The following PRR4 variants were observed in gnomAD, a reference collection of about 807,000 sequenced individuals.
The protein encoded by PRR4 is proline rich 4.
PRR4 carries 7 observed loss-of-function variants against 7.6 expected under a neutral mutation model. The ratio of observed to expected loss-of-function variants is 0.92; its 90% CI spans 0.52 to 1.73. The LOEUF (loss-of-function observed/expected upper bound fraction) is 1.73, where lower values mean the gene tolerates loss of function less well. Among genes scored for constraint, PRR4 ranks in the 40% most tolerant of loss-of-function variants. PRR4 has a pLI of 0.00. For synonymous variants in PRR4, 64 were observed against 58.5 expected, an observed-to-expected ratio of 1.09 and a Z score of -0.43; for missense variants, 187 against 161.0, an observed-to-expected ratio of 1.16 and a Z score of -0.87.
At chr12:10,848,901 AATG>A (rs773303003) in intron 1 of PRR4, 29 of 156,988 alleles carry the variant, frequency 1.8e-4, no homozygotes, top group Non-Finnish European at 3.9e-4. Context: ...GAAAGACACA[AATG>A]TATTATCCAG....
chr12:10,848,232 C>T, intron 2 of PRR4, 140 bp downstream of exon 2: 2 of 717,814 alleles, frequency 2.8e-6, no homozygotes, highest in Non-Finnish European at 4.5e-6. Context: ...TATTTAGGGG[C>T]ACTAATATTA....
chr12:10,848,886 A>G (rs1949058637), intron 1 of PRR4: 1 of 157,888 alleles, frequency 6.3e-6, no homozygotes, highest in South Asian at 2.0e-4. Context: ...CTATACCACT[A>G]TGTAGAAAGA....
At chr12:10,847,688 T>G (rs1015814014) in intron 2 of PRR4, among the ~76,000 whole-genome samples, 1 of 151,876 alleles carries the variant, frequency 6.6e-6, no homozygotes, top group Non-Finnish European at 1.5e-5. Context: ...AAAAGCATTA[T>G]AGCTTTCAGT....
At chr12:10,848,008 G>A (rs564981669) in intron 2 of PRR4, among the ~76,000 whole-genome samples, 7 of 152,254 alleles carry the variant, frequency 4.6e-5, no homozygotes, top group Middle Eastern at 3.4e-3. Context: ...CCACATAACC[G>A]TGCGGGGGAA....
rs1189158910 is a variant in PRR4, at chr12:10,847,120, T to C, written c.348A>G (p.Ser116=). 1.9e-6 allele frequency: 3 copies of C among 1,613,028 alleles called. No homozygotes were observed. Among genetic ancestry groups the C allele is most frequent in the South Asian group, 1.1e-5 (1 of 90,820 alleles). The change falls in exon 3 of 4, where the codon TCA becomes TCG. Residue 116 remains serine, a synonymous_variant. Coordinates refer to ENST00000228811, the MANE Select transcript of PRR4 (RefSeq NM_007244.3). Reference sequence around the variant, plus strand: ...CTGGTCTGTCCCTCTGGAAGAATGATGATGCTTCCTGCAGGCTGACAGAAG... The same window carrying C: ...CTGGTCTGTCCCTCTGGAAGAATGACGATGCTTCCTGCAGGCTGACAGAAG... ...RFPSVSLQEA[S]SFFQRDRPAR...
chr12:10,849,209 C>T, intron 1 of PRR4, 165 bp downstream of exon 1: 1 of 366,060 alleles, frequency 2.7e-6, no homozygotes, highest in East Asian at 4.0e-5. Flanking sequence ...CAACAGATGT[C>T]ATCCTTGGAA....
chr12:10,849,373 C>A lies in PRR4; in HGVS notation c.64+1G>T. ...CTTTTTTAAAAAAATAATTTTTTTA[C>A]CATTATCTGTGCTCTGAGCTGAGCT... is the stretch of plus-strand genomic sequence containing the variant. On this transcript the variant is annotated splice_donor_variant, in intron 1 of 3. Transcript: ENST00000228811. LOFTEE classifies it high-confidence loss of function. 1 of 1,591,132 alleles carries A rather than the reference C, an allele frequency of 6.3e-7. No homozygotes were observed. The highest frequency in any genetic ancestry group is 1.1e-5 in the South Asian group (1 of 89,260).
At chr12:10,846,060 G>A (rs1052028957) in intron 3 of PRR4, 110 bp from the exon 4 acceptor site, 1 of 749,940 alleles carries the variant, frequency 1.3e-6, no homozygotes, top group African/African-American at 1.8e-5. Flanking sequence ...TCAAGATTAA[G>A]AAAACAGATT....
chr12:10,849,283 A>T (rs946866966), intron 1 of PRR4, 91 bp downstream of exon 1: 2 of 620,840 alleles, frequency 3.2e-6, no homozygotes, highest in East Asian at 3.1e-5. Context: ...CTTCCGCTGC[A>T]GTGGTGTAGG....
Position 10,848,418 on chromosome 12 carries a change from A to C in PRR4, c.65-11T>G, listed in dbSNP as rs1019785140. On this transcript the variant is annotated splice_polypyrimidine_tract_variant and intron_variant, in intron 1 of 3. Coordinates refer to ENST00000228811, the MANE Select transcript of PRR4 (RefSeq NM_007244.3). ...CTTCATAGTTCACATCTAGGAAAAG[A>C]AGCACAGGATGAAGTGAACATTACC... The C allele has an allele frequency of 5.6e-6, 9 of 1,610,978 alleles. No individual in the cohort carries two copies. The highest frequency in any genetic ancestry group is 1.6e-4 in the Middle Eastern group (1 of 6,080).
chr12:10,849,105 A>C (rs570874251), intron 1 of PRR4: 1 of 180,710 alleles, frequency 5.5e-6, no homozygotes, highest in East Asian at 1.3e-4. Context: ...CTAAAAATAC[A>C]AATCTTACTT....
chr12:10,847,295 G>T lies in PRR4; in HGVS notation c.173C>A (p.Pro58His). Residue 58 changes from proline (P) to histidine (H), a missense_variant, in exon 3 of 4, where the codon CCC (proline) becomes CAC (histidine). Physicochemically the swap from Pro to His is moderately conservative, Grantham distance 77. Coordinates refer to ENST00000228811, the MANE Select transcript of PRR4 (RefSeq NM_007244.3). Reference protein sequence around the residue: ...RPPPEGLLPRPPGDSGNQDDG... With the variant: ...RPPPEGLLPRHPGDSGNQDDG... Reference sequence around the variant, plus strand: ...ATCTTGGTTACCACTATCACCAGGGGGTCTAGGTAGGAGTCCTTCAGGAGG... The same window carrying T: ...ATCTTGGTTACCACTATCACCAGGGTGTCTAGGTAGGAGTCCTTCAGGAGG... 1 of 1,607,644 alleles carries T rather than the reference G, an allele frequency of 6.2e-7. No homozygotes were observed. The highest frequency in any genetic ancestry group is 1.1e-5 in the South Asian group (1 of 89,962).
chr12:10,849,255 C>G (rs1368106506), intron 1 of PRR4, 119 bp downstream of exon 1: 1 of 475,240 alleles, frequency 2.1e-6, no homozygotes. Context: ...TTCTCAACCT[C>G]CTTCCTCCCC....
At chr12:10,846,118 A>G (rs540987238) in intron 3 of PRR4, among the ~76,000 whole-genome samples, 168 bp from the exon 4 acceptor site, 9 of 152,332 alleles carry the variant, frequency 5.9e-5, no homozygotes, top group African/African-American at 2.2e-4. Context: ...ATTCAAGGTT[A>G]TATTTATGAA....
At position 10,847,367 on chromosome 12, in the gene PRR4, T is replaced by A. The variant is rs200673548; in HGVS notation, c.101A>T (p.Asp34Val). 2 of 1,494,076 alleles carry A rather than the reference T, an allele frequency of 1.3e-6. No homozygotes were observed. The highest frequency in any genetic ancestry group is 8.9e-7 in the Non-Finnish European group (1 of 1,119,228). The allele number at this position is 1,494,076 out of a possible 1,614,324, so 92.6% of individuals were successfully genotyped here. A position where few individuals can be genotyped will look rare whatever the true frequency, so the allele number is the denominator to read the frequency against. ...TGGTCTCTGACTTGAGTCCTCTACA[T>A]CTGTGTGAGTAATTAATGGACAAGA... ...NYEDFTFTIP[D>V]VEDSSQRPDQ... The change falls in exon 3 of 4, where the codon GAT (aspartate) becomes GTT (valine). Residue 34 changes from aspartate (D) to valine (V), a missense_variant and splice_region_variant. Coordinates refer to ENST00000228811, the MANE Select transcript of PRR4 (RefSeq NM_007244.3).
chr12:10,847,591 G>A (rs1949037469), intron 2 of PRR4, among the ~76,000 whole-genome samples: 1 of 149,648 alleles, frequency 6.7e-6, no homozygotes, highest in South Asian at 2.1e-4. Flanking sequence ...CCTGTGACAA[G>A]TATGTTTCCT....
intron 3 of PRR4, among the ~76,000 whole-genome samples, chr12:10,846,468 G>T (rs1447749617): frequency 1.3e-5 from 2 of 152,120 alleles, no homozygotes; most frequent in Non-Finnish European, 2.9e-5. Flanking sequence ...TTGGTGAAGG[G>T]TGTGGGTAAG....
intron 1 of PRR4, chr12:10,848,765 AG>A (rs1209504752): frequency 1.3e-5 from 3 of 222,236 alleles, no homozygotes; most frequent in Non-Finnish European, 2.6e-5. Context: ...CTTGCCCAAG[AG>A]GAGCAACCAG....
intron 2 of PRR4, 130 bp from the exon 3 acceptor site, chr12:10,847,497 T>C: frequency 1.7e-6 from 1 of 571,434 alleles, no homozygotes; most frequent in South Asian, 7.4e-5. Context: ...CAACTTCTTT[T>C]GTGCCCACTG....
Sources: gnomAD v4.1 joint callset for allele counts (sites outside exome capture counted in the v4.1 genomes callset) on GRCh38, gnomAD v4.1.1 for gene constraint, MANE v1.5 for transcripts, NCBI Gene and HGNC (gene_info 2026-07-23, HGNC 2026-07-21) for gene names.